Variants in BTRC observed in about 807,000 individuals in gnomAD.
The protein encoded by BTRC is F-box/WD repeat-containing protein 1A.
BTRC carries 42 observed loss-of-function variants against 85.5 expected under a neutral mutation model. The ratio of observed to expected loss-of-function variants is 0.49; its 90% CI spans 0.38 to 0.64. The LOEUF is 0.64. Among genes scored for constraint, BTRC ranks in the 30% least tolerant of loss-of-function variants. The pLI, the probability that BTRC is intolerant of heterozygous loss-of-function variation, is 0.00. For synonymous variants in BTRC, 255 were observed against 263.3 expected (o/e 0.97, Z 0.30); for missense variants, 594 against 743.5 (o/e 0.80, Z 2.34).
chr10:101,527,612 G>A (rs550285704), intron 6 of BTRC, among the ~76,000 whole-genome samples: 1 of 152,136 alleles, frequency 6.6e-6, no homozygotes, highest in East Asian at 1.9e-4. Flanking sequence ...AAATTAGCTG[G>A]GCCTGGTGGC....
chr10:101,435,649 A>G (rs1001508912), intron 2 of BTRC, among the ~76,000 whole-genome samples: 1 of 152,156 alleles, frequency 6.6e-6, no homozygotes, highest in Admixed American at 6.5e-5. Flanking sequence ...TAAAGCTACT[A>G]TAAACAGTTT....
At chr10:101,541,418 C>T (rs1483162262) in intron 13 of BTRC, among the ~76,000 whole-genome samples, 4 of 152,280 alleles carry the variant, frequency 2.6e-5, no homozygotes, top group African/African-American at 9.6e-5. Flanking sequence ...TGCCACCATG[C>T]CCGGCTGATT....
At chr10:101,536,241 TTCCTTC>T (rs1475418359) in intron 11 of BTRC, among the ~76,000 whole-genome samples, 1 of 152,224 alleles carries the variant, frequency 6.6e-6, no homozygotes, top group Non-Finnish European at 1.5e-5. Flanking sequence ...GCTTGGTCAT[TTCCTTC>T]TCAGGCAACT....
chr10:101,458,190 A>T (rs535916342), intron 2 of BTRC, among the ~76,000 whole-genome samples: 46 of 152,370 alleles, frequency 3.0e-4, no homozygotes, highest in Non-Finnish European at 5.9e-4. Context: ...CAATAAAAGG[A>T]AAAGAAATAC....
intron 2 of BTRC, among the ~76,000 whole-genome samples, chr10:101,458,299 A>G (rs540686339): frequency 2.6e-5 from 4 of 152,350 alleles, no homozygotes; most frequent in African/African-American, 9.6e-5. Flanking sequence ...TTTATATGAC[A>G]TTCTGAAAAT....
At position 101,534,864 on chromosome 10, in the gene BTRC, T is replaced by A; in HGVS notation, c.1301T>A (p.Phe434Tyr). ...CGAGCTGCTGTCAATGTTGTAGACT[T>A]TGATGACAAGTACATTGTTTCTGCA... ...GHRAAVNVVD[F>Y]DDKYIVSASG... Residue 434 changes from phenylalanine (F) to tyrosine (Y), a missense_variant, in exon 10 of 15, where the codon TTT (phenylalanine) becomes TAT (tyrosine). By Grantham distance (22) the Phe-to-Tyr change is conservative. Transcript: ENST00000370187. The A allele has an allele frequency of 6.2e-7, 1 of 1,614,182 alleles. No individual in the cohort carries two copies. The highest frequency in any genetic ancestry group is 8.5e-7 in the Non-Finnish European group (1 of 1,180,020).
chr10:101,474,416 A>G (rs148403256), intron 3 of BTRC, among the ~76,000 whole-genome samples: 64 of 152,346 alleles, frequency 4.2e-4, no homozygotes, highest in African/African-American at 1.5e-3. Context: ...CTAACTTGAT[A>G]GAAGTCAAAC....
At chr10:101,470,786 T>C (rs1188991906) in intron 3 of BTRC, among the ~76,000 whole-genome samples, 2 of 152,238 alleles carry the variant, frequency 1.3e-5, no homozygotes, top group African/African-American at 4.8e-5. Flanking sequence ...TTAATTCTTA[T>C]ACGTGCCATG....
At chr10:101,533,500 C>T (rs1050425212) in intron 9 of BTRC, among the ~76,000 whole-genome samples, 2 of 152,122 alleles carry the variant, frequency 1.3e-5, no homozygotes, top group African/African-American at 4.8e-5. Context: ...CCCCTGCCAT[C>T]CCTGCAGTTT....
At chr10:101,395,207 A>G (rs1258708389) in intron 1 of BTRC, among the ~76,000 whole-genome samples, 4 of 152,158 alleles carry the variant, frequency 2.6e-5, no homozygotes, top group African/African-American at 9.7e-5. Context: ...CTAAGGAAAG[A>G]AGAAGGTAGG....
At chr10:101,543,615 C>CTTTTTTT (rs60958588) in intron 13 of BTRC, among the ~76,000 whole-genome samples, 2 of 147,072 alleles carry the variant, frequency 1.4e-5, no homozygotes, top group African/African-American at 2.5e-5. Context: ...TTTTCATGCT[C>CTTTTTTT]TTTTTTTTTT....
At chr10:101,534,613 A>G (rs1388904460) in intron 9 of BTRC, 48 bp from the exon 10 acceptor site, 1 of 1,608,252 alleles carries the variant, frequency 6.2e-7, no homozygotes, top group Non-Finnish European at 8.5e-7. Context: ...AAATATAGGT[A>G]ACAGATTGTA....
At chr10:101,400,240 T>C (rs1469311214) in intron 1 of BTRC, among the ~76,000 whole-genome samples, 1 of 152,242 alleles carries the variant, frequency 6.6e-6, no homozygotes, top group Non-Finnish European at 1.5e-5. Flanking sequence ...TTCTTTGTGC[T>C]GATCTGTGAT....
At position 101,366,798 on chromosome 10, in the gene BTRC, T is replaced by TAATATATATTTA. The variant is rs1564729692; in HGVS notation, c.48+12570_48+12571insAATATATATTTA. On this transcript the variant is annotated intron_variant, in intron 1 of 14. Coordinates refer to ENST00000370187, the MANE Select transcript of BTRC (RefSeq NM_033637.4). ...TATATATATATATATATTTTTACAT[T>TAATATATATTTA]TATATATATATTTATATATATTAAT... Among the ~76,000 whole-genome samples the TAATATATATTTA allele has an allele frequency of 3.1e-4, 27 of 87,788 alleles. 1 individual carries two copies. The highest frequency in any genetic ancestry group is 8.5e-4 in the Admixed American group (4 of 4,700). The allele number at this position is 87,788 out of a possible 152,430, so 57.6% of individuals were successfully genotyped here.
intron 4 of BTRC, among the ~76,000 whole-genome samples, chr10:101,498,864 G>A (rs762189757): frequency 2.0e-5 from 3 of 151,966 alleles, no homozygotes; most frequent in East Asian, 1.9e-4. Context: ...GTAGTGGTGC[G>A]CGCCTGTAAT....
chr10:101,519,371 C>T (rs1194144973), intron 4 of BTRC, among the ~76,000 whole-genome samples: 1 of 152,112 alleles, frequency 6.6e-6, no homozygotes, highest in Non-Finnish European at 1.5e-5. Context: ...TGAGCCACCA[C>T]ACCCGGCCCT....
chr10:101,404,118 C>T lies in BTRC; in HGVS notation c.49-26227C>T, dbSNP rs1943562084. ...GCATCTCAGCTCACTGCAAGCTCCG[C>T]CTACCGGGTTCACGCCATTCTCCTG... On this transcript the variant is annotated intron_variant, in intron 1 of 14. Transcript: ENST00000370187. Among the ~76,000 whole-genome samples, 3 of 145,946 alleles carry T rather than the reference C, an allele frequency of 2.1e-5. No homozygotes were observed. The South Asian group carries it at 6.6e-4, about 32-fold the overall frequency.
At chr10:101,482,923 G>A (rs965427790) in intron 4 of BTRC, among the ~76,000 whole-genome samples, 3 of 152,126 alleles carry the variant, frequency 2.0e-5, no homozygotes, top group South Asian at 2.1e-4. Context: ...CCATTTCCAT[G>A]TGAGAACAAC....
intron 1 of BTRC, among the ~76,000 whole-genome samples, chr10:101,381,184 A>C (rs1942920173): frequency 6.6e-6 from 1 of 152,156 alleles, no homozygotes; most frequent in African/African-American, 2.4e-5. Flanking sequence ...ACCGTGCAGG[A>C]TTCTAGACAC....
Sources: gnomAD v4.1 joint callset for allele counts (sites outside exome capture counted in the v4.1 genomes callset) on GRCh38, gnomAD v4.1.1 for gene constraint, MANE v1.5 for transcripts, NCBI Gene and HGNC (gene_info 2026-07-23, HGNC 2026-07-21) for gene names.